SMPD4: variants seen among roughly 807,000 people sequenced by gnomAD.
SMPD4 encodes neutral sphingomyelinase 3.
Under a neutral mutation model 97.8 loss-of-function variants are expected in SMPD4, and 58 were observed. The ratio of observed to expected loss-of-function variants is 0.59; its 90% CI spans 0.48 to 0.74. The LOEUF (loss-of-function observed/expected upper bound fraction) is 0.74. Among genes scored for constraint, SMPD4 ranks in the 30% least tolerant of loss-of-function variants. The pLI is 0.00. For synonymous variants in SMPD4, 388 were observed against 450.0 expected (o/e 0.86, Z 1.74); for missense variants, 853 against 1,080.5 (o/e 0.79, Z 2.95).
Position 130,155,225 on chromosome 2 carries a change from T to TGTAC in SMPD4, c.1320_1323dup (p.Thr442ValfsTer40). The TGTAC allele has an allele frequency of 8.7e-6, 14 of 1,614,156 alleles. No homozygotes were observed. Among genetic ancestry groups the TGTAC allele is most frequent in the Non-Finnish European group, 1.2e-5 (14 of 1,180,028 alleles). ...TTCAGAAAGCCCACAAACAACTTGG[T>TGTAC]GTACATCAGCAGGTTCTCCTGGACA... On this transcript the variant is annotated frameshift_variant, in exon 15 of 20. Transcript: ENST00000680298. LOFTEE classifies it high-confidence loss of function.
intron 11 of SMPD4, among the ~76,000 whole-genome samples, chr2:130,158,564 C>T (rs576451241): frequency 1.3e-5 from 2 of 152,284 alleles, no homozygotes; most frequent in South Asian, 4.1e-4. Flanking sequence ...CAGGCGTGAG[C>T]CACTGTGTCC....
chr2:130,153,322 G>A lies in SMPD4; in HGVS notation c.2022C>T (p.Tyr674=). The change falls in exon 18 of 20, where the codon TAC becomes TAT. Residue 674 remains tyrosine (Y), a synonymous_variant. Coordinates refer to ENST00000680298, the MANE Select transcript of SMPD4 (RefSeq NM_017951.5). ...CTCTGAGACACGGGCCTCTCACCTGGTACCGCCCCAGGGGCGTAAGGATGA... is the reference window on the plus strand; with the variant it reads ...CTCTGAGACACGGGCCTCTCACCTGATACCGCCCCAGGGGCGTAAGGATGA... ...DGLILTPLGR[Y]QIINGLRRFE... is the part of the protein sequence containing the mutation. The A allele has an allele frequency of 6.2e-7, 1 of 1,613,718 alleles. No individual in the cohort carries two copies. The highest frequency in any genetic ancestry group is 8.5e-7 in the Non-Finnish European group (1 of 1,179,990).
At chr2:130,152,992 G>C (rs188562076) in intron 19 of SMPD4, 51 bp downstream of exon 19, 2 of 1,576,872 alleles carry the variant, frequency 1.3e-6, no homozygotes, top group Admixed American at 3.7e-5. Flanking sequence ...CCAGGCAGGA[G>C]CATCTAGAAC....
intron 11 of SMPD4, chr2:130,158,149 C>A: frequency 8.1e-7 from 1 of 1,233,680 alleles, no homozygotes; most frequent in African/African-American, 1.6e-5. Flanking sequence ...AAATAAGAAC[C>A]CCATGGCTTC....
intron 8 of SMPD4, among the ~76,000 whole-genome samples, chr2:130,170,472 A>AAAAAAAAAAAAAAAAAAAC (rs1688346635): frequency 1.3e-5 from 2 of 151,098 alleles, no homozygotes; most frequent in Non-Finnish European, 2.9e-5. Flanking sequence ...AAAAAAAAAA[A>AAAAAAAAAAAAAAAAAAAC]AAGCACACAA....
At chr2:130,156,367 G>A in intron 13 of SMPD4, 1 of 660,610 alleles carries the variant, frequency 1.5e-6, no homozygotes, top group Non-Finnish European at 2.6e-6. Flanking sequence ...GGTAAGGGTA[G>A]GAACCTGCCC....
chr2:130,163,994 G>A (rs555010898), intron 10 of SMPD4, among the ~76,000 whole-genome samples: 3 of 152,162 alleles, frequency 2.0e-5, no homozygotes, highest in Non-Finnish European at 4.4e-5. Flanking sequence ...AAAGCACAAA[G>A]GCACTGCTGA....
chr2:130,155,223 G>A lies in SMPD4; in HGVS notation c.1326C>T (p.Thr442=), dbSNP rs753454213. The A allele has an allele frequency of 2.5e-6, 4 of 1,614,164 alleles. No homozygotes were observed. Among genetic ancestry groups the A allele is most frequent in the Admixed American group, 1.7e-5 (1 of 60,034 alleles). ...PFVQENLLMY[T]KLFVGFLNRA... ...GGTTCAGAAAGCCCACAAACAACTT[G>A]GTGTACATCAGCAGGTTCTCCTGGA... Residue 442 remains threonine, a synonymous_variant, in exon 15 of 20, where the codon ACC becomes ACT. Coordinates refer to ENST00000680298, the MANE Select transcript of SMPD4 (RefSeq NM_017951.5).
chr2:130,154,358 G>T lies in SMPD4; in HGVS notation c.1578C>A (p.Phe526Leu), dbSNP rs138603436. ...GGCTGTAGACGTGGCTCTTCACCTT[G>T]AAGGAGGCATCAGTGACCGCTGGTG... ...PWPPAVTDAS[F>L]KVKSHVYSLE... Residue 526 changes from phenylalanine (F) to leucine (L), a missense_variant, in exon 16 of 20, where the codon TTC becomes TTA. Coordinates refer to ENST00000680298, the MANE Select transcript of SMPD4 (RefSeq NM_017951.5). 1.0e-3 allele frequency: 1,663 copies of T among 1,612,276 alleles called. 16 individuals carry two copies. The African/African-American group carries it at 0.019, about 18-fold the overall frequency.
At position 130,157,348 on chromosome 2, in the gene SMPD4, G is replaced by C. The variant is rs778807928; in HGVS notation, c.1000C>G (p.Leu334Val). 5.0e-6 allele frequency: 8 copies of C among 1,601,510 alleles called. No individual in the cohort carries two copies. The Admixed American group carries it at 1.0e-4, about 21-fold the overall frequency. The change falls in exon 12 of 20, where the codon CTG becomes GTG. Residue 334 changes from leucine to valine, a missense_variant. Around this residue, in one of 3 missense-constraint regions of SMPD4, gnomAD observed 29 missense variants for 70.2 expected, o/e 0.41. Coordinates refer to ENST00000680298, the MANE Select transcript of SMPD4 (RefSeq NM_017951.5). ...TTGGCAAAGGCGTGCAGGTGCTTCA[G>C]CAGCAGGCGCACCACCAACACATGC... ...EEHVLVVRLLLKHLHAFANSL... is the reference protein window; with the variant it reads ...EEHVLVVRLLVKHLHAFANSL...
intron 1 of SMPD4, chr2:130,181,289 C>T (rs868813766): frequency 7.1e-7 from 1 of 1,399,602 alleles, no homozygotes. Flanking sequence ...CTTCAGCGAA[C>T]ACCTACCGGA....
chr2:130,155,984 T>C (rs1397946446), intron 14 of SMPD4, 51 bp downstream of exon 14: 3 of 1,572,530 alleles, frequency 1.9e-6, no homozygotes, highest in Non-Finnish European at 1.7e-6. Flanking sequence ...ACTGGAACAA[T>C]ATCCACCTGG....
chr2:130,162,327 G>A (rs865885952), intron 10 of SMPD4, among the ~76,000 whole-genome samples: 19 of 152,206 alleles, frequency 1.2e-4, no homozygotes, highest in East Asian at 5.8e-4. Flanking sequence ...ATCCTGCCCC[G>A]CCAGCAGCAT....
intron 14 of SMPD4, 149 bp from the exon 15 acceptor site, chr2:130,155,408 G>A: frequency 9.4e-7 from 1 of 1,060,416 alleles, no homozygotes; most frequent in Non-Finnish European, 1.4e-6. Flanking sequence ...GACAGCTCAG[G>A]GGGCCACGGG....
At chr2:130,161,618 C>A (rs996715797) in intron 10 of SMPD4, among the ~76,000 whole-genome samples, 15 of 152,244 alleles carry the variant, frequency 9.9e-5, no homozygotes, top group Admixed American at 3.3e-4. Context: ...GCCTCTCTAG[C>A]TCCTTGGAAG....
chr2:130,164,197 C>T (rs1403175945), intron 10 of SMPD4, among the ~76,000 whole-genome samples, 177 bp downstream of exon 10: 3 of 152,134 alleles, frequency 2.0e-5, no homozygotes, highest in South Asian at 4.1e-4. Flanking sequence ...GCCCCCTGCC[C>T]GCCACCGGAA....
intron 9 of SMPD4, 23 bp downstream of exon 9, chr2:130,167,432 TTTC>T (rs1434784805): frequency 1.2e-6 from 2 of 1,612,100 alleles, no homozygotes; most frequent in East Asian, 4.5e-5. Context: ...GGCTGAACAG[TTTC>T]TTTTGACCAG....
At chr2:130,171,786 G>A (rs928277772) in intron 8 of SMPD4, among the ~76,000 whole-genome samples, 4 of 152,230 alleles carry the variant, frequency 2.6e-5, no homozygotes, top group Non-Finnish European at 5.9e-5. Context: ...GGTCAGAGGT[G>A]CACAGGCAGC....
chr2:130,163,190 A>G (rs12620443), intron 10 of SMPD4, among the ~76,000 whole-genome samples: 56,367 of 152,000 alleles, frequency 0.37, 10,614 homozygotes, highest in East Asian at 0.46. Context: ...CCAGAGCCCC[A>G]CGGGAGGAGC....
Sources: allele counts gnomAD v4.1 joint callset (sites outside exome capture counted in the v4.1 genomes callset), GRCh38; gene constraint gnomAD v4.1.1; regional missense constraint gnomAD v4.1.1; transcripts MANE v1.5; gene names NCBI Gene and HGNC (gene_info 2026-07-23, HGNC 2026-07-21).